CDCP1: variants seen among roughly 807,000 people sequenced by gnomAD.
CDCP1 encodes the protein CUB domain containing protein 1, also known as CUB domain-containing protein 1.
Under a neutral mutation model 60.2 loss-of-function variants are expected in CDCP1, and 29 were observed. That is an observed-to-expected ratio of 0.48 (90% CI 0.36 to 0.66). The LOEUF is 0.66. Among genes scored for constraint, CDCP1 ranks in the 30% least tolerant of loss-of-function variants. CDCP1 has a pLI of 0.00. For synonymous variants in CDCP1, 387 were observed against 431.1 expected, an observed-to-expected ratio of 0.90 and a Z score of 1.27; for missense variants, 876 against 1,074.3, an observed-to-expected ratio of 0.82 and a Z score of 2.58.
At chr3:45,114,593 T>C (rs1698754967) in intron 2 of CDCP1, among the ~76,000 whole-genome samples, 1 of 151,922 alleles carries the variant, frequency 6.6e-6, no homozygotes, top group South Asian at 2.1e-4. Flanking sequence ...TTCTTTTGTA[T>C]TTTTAGTAGG....
At chr3:45,142,457 A>G (rs549108875) in intron 1 of CDCP1, among the ~76,000 whole-genome samples, 2 of 152,324 alleles carry the variant, frequency 1.3e-5, no homozygotes, top group East Asian at 3.9e-4. Context: ...CTGCCCAGCA[A>G]CACTGTCCAG....
intron 1 of CDCP1, among the ~76,000 whole-genome samples, chr3:45,126,922 G>T (rs1347527081): frequency 1.3e-5 from 2 of 152,200 alleles, no homozygotes; most frequent in African/African-American, 4.8e-5. Flanking sequence ...ATTAATAAGA[G>T]GTAGAGACAA....
chr3:45,139,244 T>G (rs894888632), intron 1 of CDCP1: 3 of 152,160 alleles, frequency 2.0e-5, no homozygotes, highest in Non-Finnish European at 2.9e-5. Flanking sequence ...TCTCACTAAC[T>G]GAGGAATTTG....
chr3:45,108,738 T>C (rs1208790793), intron 4 of CDCP1, among the ~76,000 whole-genome samples: 2 of 134,292 alleles, frequency 1.5e-5, no homozygotes, highest in African/African-American at 3.0e-5. Flanking sequence ...TATATATGCA[T>C]GTATACATAT....
rs1698671245 is a variant in CDCP1, at chr3:45,110,584, T to C, written c.913A>G (p.Met305Val). Reference sequence around the variant, plus strand: ...AGAGAGAGGTTGAAGTTCCCCGCCATGTTCCCAGGCTGCTTGTCCTCCAGC... The same window carrying C: ...AGAGAGAGGTTGAAGTTCCCCGCCACGTTCCCAGGCTGCTTGTCCTCCAGC... ...FKLEDKQPGN[M>V]AGNFNLSLQG... Residue 305 changes from methionine to valine, a missense_variant, in exon 4 of 9, where the codon ATG becomes GTG. This residue lies in a region of CDCP1 where 726 missense variants were observed against 935.7 expected (regional missense o/e 0.78). Coordinates refer to ENST00000296129, the MANE Select transcript of CDCP1 (RefSeq NM_022842.5). The C allele has an allele frequency of 1.2e-6, 2 of 1,614,186 alleles. No individual in the cohort carries two copies. The highest frequency in any genetic ancestry group is 2.2e-5 in the East Asian group (1 of 44,882).
At chr3:45,097,297 ACT>A (rs1458657445) in intron 4 of CDCP1, among the ~76,000 whole-genome samples, 1 of 150,148 alleles carries the variant, frequency 6.7e-6, no homozygotes, top group Non-Finnish European at 1.5e-5. Context: ...ATAGAGCAAG[ACT>A]CTGTCTCCAA....
chr3:45,120,608 A>G (rs1698866263), intron 1 of CDCP1, among the ~76,000 whole-genome samples: 1 of 152,166 alleles, frequency 6.6e-6, no homozygotes, highest in Non-Finnish European at 1.5e-5. Context: ...GCACCAGGGC[A>G]CTGCCATGGC....
intron 1 of CDCP1, among the ~76,000 whole-genome samples, chr3:45,135,826 T>C (rs185942250): frequency 1.3e-5 from 2 of 152,290 alleles, no homozygotes; most frequent in Non-Finnish European, 2.9e-5. Flanking sequence ...CTTGCTTTAC[T>C]TATTACACTG....
intron 1 of CDCP1, among the ~76,000 whole-genome samples, chr3:45,141,182 CAG>C (rs1368380737): frequency 5.3e-5 from 8 of 150,456 alleles, no homozygotes; most frequent in Admixed American, 2.7e-4. Flanking sequence ...GCCTGGGCAA[CAG>C]AGTAAGACTC....
chr3:45,126,397 G>A (rs1699001390), intron 1 of CDCP1, among the ~76,000 whole-genome samples: 1 of 151,942 alleles, frequency 6.6e-6, no homozygotes, highest in South Asian at 2.1e-4. Flanking sequence ...TGCCTGCTGT[G>A]GGAGGGGTGG....
intron 1 of CDCP1, among the ~76,000 whole-genome samples, chr3:45,126,679 T>A (rs2126004403): frequency 6.6e-6 from 1 of 152,330 alleles, no homozygotes; most frequent in East Asian, 1.9e-4. Flanking sequence ...GGGCTAATCA[T>A]TCTCTCTTGG....
intron 4 of CDCP1, among the ~76,000 whole-genome samples, chr3:45,104,915 T>C (rs925171087): frequency 7.2e-5 from 11 of 152,198 alleles, no homozygotes; most frequent in Non-Finnish European, 1.5e-4. Flanking sequence ...TAGCTGGGCA[T>C]GGTGGGCTTG....
At chr3:45,135,856 A>C (rs1047571258) in intron 1 of CDCP1, among the ~76,000 whole-genome samples, 1 of 152,190 alleles carries the variant, frequency 6.6e-6, no homozygotes, top group Non-Finnish European at 1.5e-5. Context: ...GCAAACCCAA[A>C]TATGAAAGGC....
intron 4 of CDCP1, among the ~76,000 whole-genome samples, chr3:45,106,966 G>C (rs768952304): frequency 1.3e-5 from 2 of 152,296 alleles, no homozygotes; most frequent in East Asian, 1.9e-4. Context: ...AGCTCTTCCA[G>C]TGATCATGAG....
At chr3:45,118,036 C>G (rs1698822624) in intron 2 of CDCP1, among the ~76,000 whole-genome samples, 1 of 152,160 alleles carries the variant, frequency 6.6e-6, no homozygotes, top group African/African-American at 2.4e-5. Flanking sequence ...GCATCACAGA[C>G]CTGAAGATCT....
chr3:45,112,020 C>T, intron 3 of CDCP1, 63 bp downstream of exon 3: 1 of 1,561,852 alleles, frequency 6.4e-7, no homozygotes, highest in Non-Finnish European at 8.7e-7. Context: ...CCATTTCTGA[C>T]CTAGAACAAT....
Position 45,082,528 on chromosome 3 carries a change from C to T in CDCP1, c.*3110G>A, listed in dbSNP as rs764316118. 1.3e-5 allele frequency: 2 copies of T among 152,120 alleles called. No individual in the cohort carries two copies. The highest frequency in any genetic ancestry group is 2.9e-5 in the Non-Finnish European group (2 of 68,014). The allele number at this position is 152,120 out of a possible 1,614,324, so 9.4% of individuals were successfully genotyped here. On this transcript the variant is annotated 3_prime_UTR_variant, in exon 9 of 9. Transcript: ENST00000296129. ...ACAGCTTGATACTTGTTTTTTGGTACATTTGTTTATTTAAAGCACAGGAAA... is the reference window on the plus strand; with the variant it reads ...ACAGCTTGATACTTGTTTTTTGGTATATTTGTTTATTTAAAGCACAGGAAA...
chr3:45,142,300 C>A (rs1699304942), intron 1 of CDCP1, among the ~76,000 whole-genome samples: 1 of 152,144 alleles, frequency 6.6e-6, no homozygotes, highest in South Asian at 2.1e-4. Flanking sequence ...CTATCCCATC[C>A]AAACCCAGGT....
At chr3:45,093,687 A>G (rs755609949) in intron 5 of CDCP1, 30 bp from the exon 6 acceptor site, 1 of 1,582,902 alleles carries the variant, frequency 6.3e-7, no homozygotes, top group East Asian at 2.2e-5. Flanking sequence ...CTAGCCATGC[A>G]CAAAGGAGAC....
Sources: allele counts gnomAD v4.1 joint callset (sites outside exome capture counted in the v4.1 genomes callset), GRCh38; gene constraint gnomAD v4.1.1; regional missense constraint gnomAD v4.1.1; transcripts MANE v1.5; gene names NCBI Gene and HGNC (gene_info 2026-07-23, HGNC 2026-07-21).